The following MTAP variants were observed in gnomAD, a reference collection of about 807,000 sequenced individuals.
The protein encoded by MTAP is S-methyl-5'-thioadenosine phosphorylase.
A neutral mutation model predicts 33.6 loss-of-function variants in MTAP; 33 were observed. That is an observed-to-expected ratio of 0.98 (90% confidence interval 0.74 to 1.31). The LOEUF is 1.31. Ranked by LOEUF, MTAP falls within the 40% of genes most tolerant of loss-of-function variation. The pLI, the probability that MTAP is intolerant of heterozygous loss-of-function variation, is 0.00. For missense variants in MTAP, 367 were observed against 360.0 expected, an observed-to-expected ratio of 1.02 and a Z score of -0.16; for synonymous variants, 148 against 125.7, an observed-to-expected ratio of 1.18 and a Z score of -1.19.
chr9:21,871,783 A>G (rs1825941795), downstream of MTAP, among the ~76,000 whole-genome samples: 1 of 152,234 alleles, frequency 6.6e-6, no homozygotes, highest in African/African-American at 2.4e-5. Flanking sequence ...CATATTACTC[A>G]TAGGCCATTT....
At chr9:21,888,718 T>C (rs1818152279) in intron 1 of MTAP, among the ~76,000 whole-genome samples, 1 of 152,136 alleles carries the variant, frequency 6.6e-6, no homozygotes. Context: ...CCCTGTGTGT[T>C]AGGTGAGTCT....
At chr9:21,926,409 T>C (rs1818870277) in intron 1 of MTAP, among the ~76,000 whole-genome samples, 1 of 152,186 alleles carries the variant, frequency 6.6e-6, no homozygotes, top group Non-Finnish European at 1.5e-5. Flanking sequence ...GAGGCAGTAG[T>C]CCCAATACAC....
At chr9:21,839,923 G>A (rs1321959752) in intron 5 of MTAP, among the ~76,000 whole-genome samples, 1 of 152,208 alleles carries the variant, frequency 6.6e-6, no homozygotes, top group Non-Finnish European at 1.5e-5. Context: ...AAACAGGGAA[G>A]ATGGCAGATA....
At chr9:21,821,383 C>T (rs1186647688) in intron 4 of MTAP, among the ~76,000 whole-genome samples, 4 of 152,160 alleles carry the variant, frequency 2.6e-5, no homozygotes, top group African/African-American at 9.7e-5. Flanking sequence ...TTGAGATAAT[C>T]ATGTAGTTTT....
At chr9:21,812,829 G>A (rs1824384760) in intron 1 of MTAP, among the ~76,000 whole-genome samples, 1 of 152,230 alleles carries the variant, frequency 6.6e-6, no homozygotes, top group Non-Finnish European at 1.5e-5. Context: ...GCACATCATA[G>A]TGGTTAAGCC....
chr9:21,820,817 G>A (rs1240171274), intron 4 of MTAP, among the ~76,000 whole-genome samples: 4 of 152,158 alleles, frequency 2.6e-5, no homozygotes, highest in Non-Finnish European at 5.9e-5. Context: ...GTGGTTTGTA[G>A]TTCTCCTTGA....
intron 4 of MTAP, among the ~76,000 whole-genome samples, chr9:21,830,498 A>G (rs114061618): frequency 6.8e-4 from 103 of 152,338 alleles, no homozygotes; most frequent in Admixed American, 1.8e-3. Flanking sequence ...GATGGTTAGG[A>G]GTGGGATTTG....
At chr9:21,898,998 A>G (rs11531716) in intron 1 of MTAP, among the ~76,000 whole-genome samples, 66,186 of 151,782 alleles carry the variant, frequency 0.44, 17,004 homozygotes, top group African/African-American at 0.67. Context: ...GTCCATCAAC[A>G]ATAGACCTGA....
intron 1 of MTAP, among the ~76,000 whole-genome samples, chr9:21,811,033 A>T (rs957364384): frequency 2.6e-5 from 4 of 152,098 alleles, no homozygotes; most frequent in Non-Finnish European, 5.9e-5. Flanking sequence ...CAAAATTGTT[A>T]TGGCAACCAG....
chr9:21,928,601 T>C (rs1818906055), intron 1 of MTAP, among the ~76,000 whole-genome samples: 1 of 152,162 alleles, frequency 6.6e-6, no homozygotes, highest in African/African-American at 2.4e-5. Flanking sequence ...AGAGTGACAG[T>C]GATTCATCTT....
intron 1 of MTAP, among the ~76,000 whole-genome samples, chr9:21,894,990 A>G (rs1244112108): frequency 6.6e-6 from 1 of 152,206 alleles, no homozygotes; most frequent in Non-Finnish European, 1.5e-5. Flanking sequence ...AGTTCTCCAC[A>G]AGGAGAATTA....
chr9:21,912,728 A>G lies in MTAP; in HGVS notation c.148-18280A>G, dbSNP rs187925908. 3.9e-3 allele frequency among the ~76,000 whole-genome samples: 600 copies of G among 152,306 alleles called. 11 individuals carry two copies. In the East Asian group the frequency reaches 0.048, roughly 12 times the overall value. On this transcript the variant is annotated intron_variant, in intron 1 of 1. Coordinates refer to the MTAP transcript ENST00000577563. ...TTCTCTTTGAAAACTGGCACAAGAC[A>G]GGGGTGCCCTCTCTCACCACTCCTA...
intron 3 of MTAP, among the ~76,000 whole-genome samples, chr9:21,817,046 T>G (rs1824492935): frequency 6.6e-6 from 1 of 152,196 alleles, no homozygotes; most frequent in African/African-American, 2.4e-5. Flanking sequence ...AAGAAATGTT[T>G]TGTTCATTTT....
chr9:21,831,980 A>G lies in MTAP; in HGVS notation c.348-5928A>G, dbSNP rs78167571. 6.3e-3 allele frequency among the ~76,000 whole-genome samples: 967 copies of G among 152,298 alleles called. 24 individuals are homozygous for G. The highest frequency in any genetic ancestry group is 0.058 in the East Asian group (298 of 5,178). On this transcript the variant is annotated intron_variant, in intron 4 of 7. Transcript: ENST00000644715. ...AGAATCTCAGCTTAGAAGTGAGGAC[A>G]TCCAGAATTCTTTCCTGGCTGTGCC...
chr9:21,929,885 G>A, intron 1 of MTAP: 1 of 341,128 alleles, frequency 2.9e-6, no homozygotes, highest in Non-Finnish European at 5.8e-6. Context: ...TCCCAGTATA[G>A]CTTGTAATGT....
chr9:21,919,608 G>A (rs1159481251), intron 1 of MTAP, among the ~76,000 whole-genome samples: 1 of 152,192 alleles, frequency 6.6e-6, no homozygotes, highest in Admixed American at 6.5e-5. Flanking sequence ...TGTATGCAAA[G>A]GAATGATTAC....
At chr9:21,881,853 A>G (rs943842344) in intron 1 of MTAP, among the ~76,000 whole-genome samples, 2 of 152,046 alleles carry the variant, frequency 1.3e-5, no homozygotes, top group East Asian at 3.9e-4. Flanking sequence ...ATACCATATG[A>G]TTCAGCAATC....
At chr9:21,905,647 A>G (rs1376270908) in intron 1 of MTAP, among the ~76,000 whole-genome samples, 1 of 152,164 alleles carries the variant, frequency 6.6e-6, no homozygotes, top group Non-Finnish European at 1.5e-5. Flanking sequence ...AATAATTCCC[A>G]AGTGACCCAA....
At chr9:21,857,304 C>T (rs7047899) in intron 6 of MTAP, among the ~76,000 whole-genome samples, 31,788 of 152,102 alleles carry the variant, frequency 0.21, 6,160 homozygotes, top group African/African-American at 0.51. Context: ...AAAGACTCAG[C>T]TTAAAACATA....
Sources: gnomAD v4.1 joint callset for allele counts (sites outside exome capture counted in the v4.1 genomes callset) on GRCh38, gnomAD v4.1.1 for gene constraint, MANE v1.5 for transcripts, NCBI Gene and HGNC (gene_info 2026-07-23, HGNC 2026-07-21) for gene names.